BICRA: variants seen among roughly 807,000 people sequenced by gnomAD.
BICRA encodes the protein BRD4 interacting chromatin remodeling complex associated protein, also known as BRD4-interacting chromatin-remodeling complex-associated protein.
Under a neutral mutation model 96.9 loss-of-function variants are expected in BICRA, and 31 were observed. That is an observed-to-expected ratio of 0.32 (90% CI 0.24 to 0.43). The LOEUF (loss-of-function observed/expected upper bound fraction) is 0.43. BICRA is among the 20% of genes least tolerant of loss of function. BICRA has a pLI of 1.00. For synonymous variants in BICRA, 1,350 were observed against 1,071.8 expected, an observed-to-expected ratio of 1.26 and a Z score of -5.07; for missense variants, 2,283 against 2,190.3, an observed-to-expected ratio of 1.04 and a Z score of -0.84.
intron 1 of BICRA, among the ~76,000 whole-genome samples, chr19:47,659,941 G>A (rs1233948945): frequency 1.3e-5 from 2 of 151,992 alleles, no homozygotes; most frequent in African/African-American, 4.8e-5. Flanking sequence ...TGTAGAGATG[G>A]GGTCTCACTG....
intron 1 of BICRA, among the ~76,000 whole-genome samples, chr19:47,637,548 C>G (rs950679372): frequency 2.6e-5 from 4 of 152,294 alleles, no homozygotes; most frequent in African/African-American, 9.6e-5. Context: ...ACACATAATT[C>G]ACATATCATA....
At position 47,624,447 on chromosome 19, in the gene BICRA, G is replaced by A. The variant is rs115509881; in HGVS notation, c.-108+15279G>A. ...GTGGATACAAAAGTTACGTTTATAC[G>A]ATACTGCAATCTGTTAAGTGTGCAA... On this transcript the variant is annotated intron_variant, in intron 1 of 14. Transcript: ENST00000594866. Among the ~76,000 whole-genome samples the A allele has an allele frequency of 6.3e-3, 965 of 152,240 alleles. 7 individuals are homozygous for A. Among genetic ancestry groups the A allele is most frequent in the African/African-American group, 0.022 (900 of 41,532 alleles).
Position 47,682,146 on chromosome 19 carries a change from C to T in BICRA, c.2277C>T (p.Ala759=). The change falls in exon 7 of 15, where the codon GCC becomes GCT. Residue 759 remains alanine (A), a synonymous_variant. Coordinates refer to ENST00000594866, the MANE Select transcript of BICRA (RefSeq NM_001394372.1). The stretch of plus-strand genomic sequence containing the variant: ...ACAGCCAGGCTTCCCCGGCTCCGGC[C>T]CCCCAGGTAGAGGGACCCCAGCAGC... ...APDSQASPAP[A]PQIPAAAPLK... is the part of the protein sequence containing the mutation. The T allele has an allele frequency of 6.9e-7, 1 of 1,451,974 alleles. No individual in the cohort carries two copies. 89.9% of individuals were successfully genotyped at this position (1,451,974 alleles called of 1,614,324 possible). A position where few individuals can be genotyped will look rare whatever the true frequency, so the allele number is the denominator to read the frequency against.
In BICRA at chr19:47,701,880, C is replaced by T. The variant is rs1046197321; in HGVS notation, c.4148C>T (p.Pro1383Leu). ...RKPLGTAPHC[P>L]RLPLRKTYRE... ...CCCCTGGGCACCGCCCCGCACTGCC[C>T]GCGCCTGCCACTGCGCAAGACCTAC... Residue 1383 changes from proline to leucine, a missense_variant, in exon 15 of 15, where the codon CCG becomes CTG. Coordinates refer to ENST00000594866, the MANE Select transcript of BICRA (RefSeq NM_001394372.1). The surrounding 1 kb of genome is among the most constrained non-coding windows in gnomAD (Gnocchi z 5.4). 195 of 1,469,088 alleles carry T rather than the reference C, an allele frequency of 1.3e-4. No individual in the cohort carries two copies. The highest frequency in any genetic ancestry group is 8.9e-4 in the Admixed American group (36 of 40,242). 91.0% of individuals were successfully genotyped at this position (1,469,088 alleles called of 1,614,324 possible).
Position 47,680,484 on chromosome 19 carries a change from G to GC in BICRA, c.1320dup (p.Gly441ArgfsTer233), listed in dbSNP as rs1361394574. On this transcript the variant is annotated frameshift_variant, in exon 6 of 15. Transcript: ENST00000594866. LOFTEE classifies it high-confidence loss of function. ...CCACCACCGGAGCGGCCCCGCCGCAGCCCCCCGGGGCCCTGAGCAAACCCA... is the reference window on the plus strand; with the variant it reads ...CCACCACCGGAGCGGCCCCGCCGCAGCCCCCCCGGGGCCCTGAGCAAACCCA... 1.9e-6 allele frequency: 3 copies of GC among 1,540,782 alleles called. No individual in the cohort carries two copies.
At chr19:47,639,629 ATTT>A (rs55946534) in intron 1 of BICRA, among the ~76,000 whole-genome samples, 4,300 of 105,742 alleles carry the variant, frequency 0.041, 335 homozygotes, top group African/African-American at 0.14. Flanking sequence ...CGGCCAGCCA[ATTT>A]TTTTTTTTTT....
chr19:47,635,044 G>A (rs1298992476), intron 1 of BICRA, among the ~76,000 whole-genome samples: 1 of 152,074 alleles, frequency 6.6e-6, no homozygotes, highest in East Asian at 1.9e-4. Flanking sequence ...TTACAGGCGT[G>A]AGCCACCGCT....
At chr19:47,668,212 T>C (rs1401494579) in intron 1 of BICRA, among the ~76,000 whole-genome samples, 1 of 151,838 alleles carries the variant, frequency 6.6e-6, no homozygotes, top group Admixed American at 6.6e-5. Flanking sequence ...ACCCAGCACA[T>C]AGTGGGCCCG....
upstream of BICRA, among the ~76,000 whole-genome samples, chr19:47,608,880 C>G (rs1259808962): frequency 9.2e-4 from 123 of 134,396 alleles, 1 homozygote; most frequent in Middle Eastern, 7.6e-3. Context: ...GGGCGGAACA[C>G]AAAACCTGAG....
chr19:47,676,216 G>C (rs949988638), intron 5 of BICRA, among the ~76,000 whole-genome samples: 1 of 152,088 alleles, frequency 6.6e-6, no homozygotes, highest in Admixed American at 6.5e-5. Flanking sequence ...GTGGTTCTGG[G>C]GAGCTGAAGC....
chr19:47,682,124 G>C lies in BICRA; in HGVS notation c.2255G>C (p.Ser752Thr), dbSNP rs767615417. ...GAGLGPQAPD[S>T]QASPAPAPQI... ...GGCCTCGGCCCTCAGGCCCCCGACA[G>C]CCAGGCTTCCCCGGCTCCGGCCCCC... Residue 752 changes from serine (S) to threonine (T), a missense_variant, in exon 7 of 15, where the codon AGC becomes ACC. Transcript: ENST00000594866. The C allele has an allele frequency of 6.8e-7, 1 of 1,478,074 alleles. No homozygotes were observed. The highest frequency in any genetic ancestry group is 9.1e-7 in the Non-Finnish European group (1 of 1,096,538). The allele number at this position is 1,478,074 out of a possible 1,614,324, so 91.6% of individuals were successfully genotyped here. A position where few individuals can be genotyped will look rare whatever the true frequency, so the allele number is the denominator to read the frequency against.
rs1403833514 is a variant in BICRA at position 47,701,524 on chromosome 19, G to T, written c.3792G>T (p.Ala1264=). 3 of 1,548,230 alleles carry T rather than the reference G, an allele frequency of 1.9e-6. No individual in the cohort carries two copies. Among genetic ancestry groups the T allele is most frequent in the Non-Finnish European group, 2.6e-6 (3 of 1,146,758 alleles). ...GGSPSVTWAR[A]SSSLSSSSSS... ...CCCCTTCGGTCACCTGGGCCCGGGC[G>T]TCCTCCTCCCTGTCCTCCTCTTCCT... Residue 1264 remains alanine, a synonymous_variant, in exon 15 of 15, where the codon GCG becomes GCT. Coordinates refer to ENST00000594866, the MANE Select transcript of BICRA (RefSeq NM_001394372.1). This position sits in a 1 kb window ranked among gnomAD's most constrained non-coding sequence, Gnocchi z 5.4.
Position 47,701,383 on chromosome 19 carries a change from G to C in BICRA, c.3651G>C (p.Glu1217Asp). ...GCCTCCCCATCGCAGCCTCTTCCGA[G>C]GGTCATCGGCTTCCCGGCCACGGCC... The part of the protein sequence containing the change: ...SLGLPIAASS[E>D]GHRLPGHGPL... Residue 1217 changes from glutamate to aspartate, a missense_variant, in exon 15 of 15, where the codon GAG (glutamate) becomes GAC (aspartate). Physicochemically the swap from Glu to Asp is conservative, Grantham distance 45 (BLOSUM62 2). Transcript: ENST00000594866. This position sits in a 1 kb window ranked among gnomAD's most constrained non-coding sequence, Gnocchi z 5.4. 6.2e-7 allele frequency: 1 copy of C among 1,609,962 alleles called. No individual in the cohort carries two copies. Among genetic ancestry groups the C allele is most frequent in the Non-Finnish European group, 8.5e-7 (1 of 1,178,690 alleles).
At chr19:47,617,035 C>T (rs997049312) in intron 1 of BICRA, among the ~76,000 whole-genome samples, 5 of 152,054 alleles carry the variant, frequency 3.3e-5, no homozygotes, top group Non-Finnish European at 4.4e-5. Flanking sequence ...GCCATGTTGG[C>T]CAGGCTAGTC....
chr19:47,631,534 T>C (rs567210312), intron 1 of BICRA, among the ~76,000 whole-genome samples: 1 of 152,106 alleles, frequency 6.6e-6, no homozygotes, highest in Non-Finnish European at 1.5e-5. Context: ...AGCCTAATTT[T>C]AAAAATTTTT....
chr19:47,681,554 G>A (rs1343654993), intron 6 of BICRA, among the ~76,000 whole-genome samples: 1 of 152,148 alleles, frequency 6.6e-6, no homozygotes, highest in Non-Finnish European at 1.5e-5. Flanking sequence ...GACAGACAAA[G>A]AGAGGGACCA....
chr19:47,653,272 C>A (rs1702727521), intron 1 of BICRA, among the ~76,000 whole-genome samples: 1 of 151,500 alleles, frequency 6.6e-6, no homozygotes, highest in Non-Finnish European at 1.5e-5. Flanking sequence ...ATCCGCCTGC[C>A]TCGGCCTCCC....
intron 1 of BICRA, among the ~76,000 whole-genome samples, chr19:47,660,489 T>G (rs1315745497): frequency 6.6e-6 from 1 of 152,114 alleles, no homozygotes; most frequent in Non-Finnish European, 1.5e-5. Context: ...GAGCCACCAT[T>G]CAACTCACTA....
intron 1 of BICRA, among the ~76,000 whole-genome samples, chr19:47,645,393 C>T: frequency 6.6e-6 from 1 of 152,206 alleles, no homozygotes; most frequent in East Asian, 1.9e-4. Flanking sequence ...CCCTGAGGTT[C>T]TGCCTTTGAA....
Sources: allele counts gnomAD v4.1 joint callset (sites outside exome capture counted in the v4.1 genomes callset), GRCh38; gene constraint gnomAD v4.1.1; non-coding constraint Gnocchi (gnomAD v3.1); transcripts MANE v1.5; gene names NCBI Gene and HGNC (gene_info 2026-07-23, HGNC 2026-07-21).